UBXN2A: variants seen among roughly 807,000 people sequenced by gnomAD.
UBXN2A encodes the protein UBX domain-containing protein 2A.
Under a neutral mutation model 28.4 loss-of-function variants are expected in UBXN2A, and 28 were observed. That is an observed-to-expected ratio of 0.99 (90% CI 0.73 to 1.35). UBXN2A has a LOEUF of 1.35. Among genes scored for constraint, UBXN2A ranks in the 40% most tolerant of loss-of-function variants. UBXN2A has a pLI of 0.00. For synonymous variants in UBXN2A, 97 were observed against 103.6 expected, an observed-to-expected ratio of 0.94 and a Z score of 0.39; for missense variants, 253 against 297.9, an observed-to-expected ratio of 0.85 and a Z score of 1.11.
At chr2:23,958,736 C>T (rs1169453910) in intron 2 of UBXN2A, among the ~76,000 whole-genome samples, 1 of 152,208 alleles carries the variant, frequency 6.6e-6, no homozygotes, top group African/African-American at 2.4e-5. Flanking sequence ...TATTATCTCT[C>T]TGGCCTTTGG....
rs548691144 is a variant in UBXN2A, at chr2:24,003,108, C to G, written c.*3241C>G. The G allele has an allele frequency of 6.6e-6, 1 of 152,286 alleles. No homozygotes were observed. The highest frequency in any genetic ancestry group is 2.1e-4 in the South Asian group (1 of 4,824). 9.4% of individuals were successfully genotyped at this position (152,286 alleles called of 1,614,324 possible). On this transcript the variant is annotated 3_prime_UTR_variant, in exon 7 of 7. Coordinates refer to ENST00000309033, the MANE Select transcript of UBXN2A (RefSeq NM_181713.4). ...GCCACCTACCACAAAGATTCTGATT[C>G]ACTGTATCTGTGATGGGTCTCAGAT... is the stretch of plus-strand genomic sequence containing the variant.
chr2:23,952,190 C>T (rs1706405235), intron 1 of UBXN2A, among the ~76,000 whole-genome samples: 2 of 152,026 alleles, frequency 1.3e-5, no homozygotes, highest in Non-Finnish European at 1.5e-5. Context: ...TGGTCTCAAA[C>T]TCCTGACCTC....
At position 23,989,226 on chromosome 2, in the gene UBXN2A, A is replaced by G. The variant is rs905263619; in HGVS notation, c.584+4395A>G. Among the ~76,000 whole-genome samples, 5 of 152,150 alleles carry G rather than the reference A, an allele frequency of 3.3e-5. No individual in the cohort carries two copies. In the South Asian group the frequency reaches 1.0e-3, roughly 32 times the overall value. On this transcript the variant is annotated intron_variant, in intron 6 of 6. Transcript: ENST00000309033. ...ACCAAAATCAACAAAGACACACACA[A>G]AAAACCTATACATATACATATGTGT...
intron 2 of UBXN2A, among the ~76,000 whole-genome samples, chr2:23,961,190 G>C (rs1489934039): frequency 6.6e-6 from 1 of 151,674 alleles, no homozygotes; most frequent in African/African-American, 2.4e-5. Context: ...CTGCCTCCCA[G>C]GTTCAAGTAA....
intron 2 of UBXN2A, among the ~76,000 whole-genome samples, chr2:23,970,850 A>G (rs955600846): frequency 6.6e-5 from 10 of 152,000 alleles, no homozygotes; most frequent in East Asian, 1.9e-4. Context: ...TCATGCTCCT[A>G]TGGGAATCTA....
upstream of UBXN2A, among the ~76,000 whole-genome samples, chr2:23,938,402 G>A (rs1293347196): frequency 6.6e-6 from 1 of 151,944 alleles, no homozygotes; most frequent in Non-Finnish European, 1.5e-5. Context: ...GGAGGCGGAG[G>A]TTATAGTGAG....
chr2:23,945,674 T>C (rs1258888180), intron 1 of UBXN2A, among the ~76,000 whole-genome samples: 1 of 152,172 alleles, frequency 6.6e-6, no homozygotes, highest in Non-Finnish European at 1.5e-5. Flanking sequence ...TACAAATCCA[T>C]AATCTAAAAA....
intron 2 of UBXN2A, among the ~76,000 whole-genome samples, chr2:23,959,929 T>G (rs1706820666): frequency 6.6e-6 from 1 of 152,142 alleles, no homozygotes; most frequent in African/African-American, 2.4e-5. Flanking sequence ...CTTATAAATT[T>G]AGGGTGATGG....
chr2:23,987,732 C>T (rs192747357), intron 6 of UBXN2A, among the ~76,000 whole-genome samples: 1,627 of 149,172 alleles, frequency 0.011, 19 homozygotes, highest in Middle Eastern at 0.038. Context: ...AAGCCGAGAT[C>T]GCGCCACTGC....
chr2:23,966,435 TGGTAGATATTTTCTTTTTTTC>T (rs1707168686), intron 2 of UBXN2A, among the ~76,000 whole-genome samples: 1 of 147,212 alleles, frequency 6.8e-6, no homozygotes, highest in African/African-American at 2.5e-5. Flanking sequence ...GCACCTGGCC[TGGTAGATATTTTCTTTTTTTC>T]TTTTTTTTTT....
chr2:23,966,601 C>T (rs11889109), intron 2 of UBXN2A, among the ~76,000 whole-genome samples: 147,699 of 149,222 alleles, frequency 0.99, 73,107 homozygotes, highest in Non-Finnish European at 1. Flanking sequence ...TACAGGCGCC[C>T]GCCACCACAC....
chr2:23,986,877 G>T (rs1033193981), intron 6 of UBXN2A, among the ~76,000 whole-genome samples: 1 of 151,998 alleles, frequency 6.6e-6, no homozygotes, highest in Non-Finnish European at 1.5e-5. Context: ...CAAGGTGCTG[G>T]GATTACAAGC....
In UBXN2A at chr2:23,957,425, T is replaced by C. The variant is rs560414454; in HGVS notation, c.-14-876T>C. On this transcript the variant is annotated intron_variant, in intron 1 of 6. Transcript: ENST00000309033. Reference sequence around the variant, plus strand: ...TCAAGTGATTCTCCTGCCTCAGCCTTCTGAATAACTGGGACTACAGGTGCG... The same window carrying C: ...TCAAGTGATTCTCCTGCCTCAGCCTCCTGAATAACTGGGACTACAGGTGCG... Among the ~76,000 whole-genome samples the C allele has an allele frequency of 1.7e-4, 26 of 152,228 alleles. No homozygotes were observed. The South Asian group carries it at 5.2e-3, about 30-fold the overall frequency.
At chr2:23,995,714 A>G (rs532010496) in intron 6 of UBXN2A, among the ~76,000 whole-genome samples, 1 of 151,938 alleles carries the variant, frequency 6.6e-6, no homozygotes, top group African/African-American at 2.4e-5. Context: ...AGAAAAGAAA[A>G]AAAAAAGAAA....
At chr2:23,995,401 A>G (rs1337565430) in intron 6 of UBXN2A, among the ~76,000 whole-genome samples, 1 of 152,014 alleles carries the variant, frequency 6.6e-6, no homozygotes, top group Non-Finnish European at 1.5e-5. Context: ...TTATGATGTA[A>G]TGTCCCAATA....
At position 23,971,345 on chromosome 2, in the gene UBXN2A, T is replaced by G; in HGVS notation, c.111T>G (p.Val37=). ...AACAATCAAATTGTGAATATTTTGTTGATAGCCTTTTTGAGGAAGCTCAGA... is the reference window on the plus strand; with the variant it reads ...AACAATCAAATTGTGAATATTTTGTGGATAGCCTTTTTGAGGAAGCTCAGA... ...NNQQSNCEYF[V]DSLFEEAQKV... is the part of the protein sequence containing the mutation. The change falls in exon 3 of 7, where the codon GTT becomes GTG. Residue 37 remains valine, a synonymous_variant. Coordinates refer to ENST00000309033, the MANE Select transcript of UBXN2A (RefSeq NM_181713.4). 1 of 1,579,454 alleles carries G rather than the reference T, an allele frequency of 6.3e-7. No homozygotes were observed. The highest frequency in any genetic ancestry group is 8.7e-7 in the Non-Finnish European group (1 of 1,154,428).
intron 1 of UBXN2A, among the ~76,000 whole-genome samples, chr2:23,935,317 A>G (rs1705490396): frequency 6.6e-6 from 1 of 152,200 alleles, no homozygotes; most frequent in Non-Finnish European, 1.5e-5. Context: ...AGATTTGCAA[A>G]TCACATATCT....
chr2:23,973,388 G>A (rs1322520507), intron 3 of UBXN2A, among the ~76,000 whole-genome samples: 1 of 150,826 alleles, frequency 6.6e-6, no homozygotes, highest in Non-Finnish European at 1.5e-5. Flanking sequence ...GCCCAGGCTG[G>A]AGTGCAGTGG....
chr2:23,961,035 TA>T (rs1317803412), intron 2 of UBXN2A, among the ~76,000 whole-genome samples: 4 of 152,178 alleles, frequency 2.6e-5, no homozygotes, highest in African/African-American at 9.7e-5. Context: ...TCACTTAGCA[TA>T]ATGTTTTCAA....
Sources: gnomAD v4.1 joint callset for allele counts (sites outside exome capture counted in the v4.1 genomes callset) on GRCh38, gnomAD v4.1.1 for gene constraint, MANE v1.5 for transcripts, NCBI Gene and HGNC (gene_info 2026-07-23, HGNC 2026-07-21) for gene names.